The following DPYSL4 variants were observed in gnomAD, a reference collection of about 807,000 sequenced individuals.
DPYSL4 encodes the protein dihydropyrimidinase-related protein 4.
A neutral mutation model predicts 63.4 loss-of-function variants in DPYSL4; 43 were observed. The observed-to-expected ratio is 0.68, with a 90% CI of 0.53 to 0.88. DPYSL4 has a LOEUF of 0.88. DPYSL4 is among the 40% of genes least tolerant of loss of function. The pLI is 0.00. For missense variants in DPYSL4, 733 were observed against 819.5 expected, an observed-to-expected ratio of 0.89 and a Z score of 1.29; for synonymous variants, 353 against 331.7, an observed-to-expected ratio of 1.06 and a Z score of -0.70.
At position 132,200,506 on chromosome 10, in the gene DPYSL4, T is replaced by C. The variant is rs752314283; in HGVS notation, c.962T>C (p.Leu321Pro). The C allele has an allele frequency of 1.2e-6, 2 of 1,612,852 alleles. No homozygotes were observed. Among genetic ancestry groups the C allele is most frequent in the Non-Finnish European group, 1.7e-6 (2 of 1,179,814 alleles). ...PTTADHLTCL[L>P]SSGDLQVTGS... The stretch of plus-strand genomic sequence containing the variant: ...ACGGCGGACCACCTCACCTGCTTGC[T>C]GTCCAGGTAAGCAGCCTCTCCAGGT... Residue 321 changes from leucine to proline, a missense_variant, in exon 9 of 14, where the codon CTG (leucine) becomes CCG (proline). Transcript: ENST00000338492.
In DPYSL4 at chr10:132,204,909, C is replaced by T. The variant is rs1261924369; in HGVS notation, c.1698C>T (p.Ser566=). 1.2e-6 allele frequency: 2 copies of T among 1,612,044 alleles called. No homozygotes were observed. The highest frequency in any genetic ancestry group is 1.7e-6 in the Non-Finnish European group (2 of 1,179,042). Reference sequence around the variant, plus strand: ...TCATGGCACCACCTGGCGGCCGCTCCAACATCACCTCTCTCTCCTAGACGC... The same window carrying T: ...TCATGGCACCACCTGGCGGCCGCTCTAACATCACCTCTCTCTCCTAGACGC... ...QKIMAPPGGR[S]NITSLS The change falls in exon 14 of 14, where the codon TCC becomes TCT. Residue 566 remains serine, a synonymous_variant. Transcript: ENST00000338492.
chr10:132,197,184 G>A (rs2061957355), intron 6 of DPYSL4, 83 bp downstream of exon 6: 3 of 1,244,174 alleles, frequency 2.4e-6, no homozygotes, highest in South Asian at 3.2e-5. Flanking sequence ...GCAGGGGTCT[G>A]AGGGTGACTT....
intron 12 of DPYSL4, 47 bp downstream of exon 12, chr10:132,202,872 C>G: frequency 6.4e-7 from 1 of 1,551,298 alleles, no homozygotes; most frequent in Non-Finnish European, 8.7e-7. Context: ...CAGGTGGGCG[C>G]TGAGTTCTAG....
chr10:132,189,463 C>T (rs1049841926), intron 1 of DPYSL4, among the ~76,000 whole-genome samples: 9 of 152,342 alleles, frequency 5.9e-5, no homozygotes, highest in African/African-American at 1.4e-4. Flanking sequence ...TTATGACTGC[C>T]AAGCACTGGA....
chr10:132,204,228 G>A (rs564093968), intron 13 of DPYSL4, among the ~76,000 whole-genome samples: 1 of 152,192 alleles, frequency 6.6e-6, no homozygotes, highest in Non-Finnish European at 1.5e-5. Flanking sequence ...AGCCTCAGGG[G>A]AGGTGGGAGG....
In DPYSL4 at chr10:132,190,772, G is replaced by T; in HGVS notation, c.65G>T (p.Gly22Val). 6.2e-7 allele frequency: 1 copy of T among 1,613,736 alleles called. No individual in the cohort carries two copies. The highest frequency in any genetic ancestry group is 1.1e-5 in the South Asian group (1 of 91,082). Residue 22 changes from glycine to valine, a missense_variant, in exon 2 of 14, where the codon GGG becomes GTG. By Grantham distance (109) the Gly-to-Val change is moderately radical (BLOSUM62 -3). Transcript: ENST00000338492. Reference protein sequence around the residue: ...ITSDRLLIRGGRIVNDDQSFY... With the variant: ...ITSDRLLIRGVRIVNDDQSFY... Reference sequence around the variant, plus strand: ...AGTGACCGCCTTCTGATCAGAGGTGGGAGGATCGTGAATGACGACCAGTCC... The same window carrying T: ...AGTGACCGCCTTCTGATCAGAGGTGTGAGGATCGTGAATGACGACCAGTCC...
chr10:132,194,413 C>T (rs1384448808), intron 3 of DPYSL4, among the ~76,000 whole-genome samples: 1 of 152,200 alleles, frequency 6.6e-6, no homozygotes, highest in Non-Finnish European at 1.5e-5. Context: ...CAGCCCAGCT[C>T]CCACTGTTCT....
At chr10:132,203,455 G>T in intron 12 of DPYSL4, 1 of 435,882 alleles carries the variant, frequency 2.3e-6, no homozygotes, top group African/African-American at 2.0e-5. Context: ...GGGCCTCGGA[G>T]GGAGGTTGAG....
intron 1 of DPYSL4, among the ~76,000 whole-genome samples, chr10:132,189,120 A>G (rs915945679): frequency 6.6e-5 from 10 of 152,256 alleles, no homozygotes; most frequent in Non-Finnish European, 1.0e-4. Context: ...CTCTAGCCCC[A>G]GGCTAGGGCC....
Position 132,205,270 on chromosome 10 carries a change from T to C in DPYSL4, c.*340T>C, listed in dbSNP as rs928484113. ...GCCGGGCTCACAGTGTGGGAGCAGC[T>C]GGACACCAGGCTTCTTGGTGAACCG... On this transcript the variant is annotated 3_prime_UTR_variant, in exon 14 of 14. Coordinates refer to ENST00000338492, the MANE Select transcript of DPYSL4 (RefSeq NM_006426.3). The C allele has an allele frequency of 4.7e-6, 1 of 211,906 alleles. No individual in the cohort carries two copies. The highest frequency in any genetic ancestry group is 2.3e-5 in the African/African-American group (1 of 43,642). The allele number at this position is 211,906 out of a possible 1,614,324, so 13.1% of individuals were successfully genotyped here.
At chr10:132,203,597 AC>A (rs910847598) in intron 12 of DPYSL4, 164 bp from the exon 13 acceptor site, 37 of 625,516 alleles carry the variant, frequency 5.9e-5, no homozygotes, top group African/African-American at 2.0e-4. Context: ...TGGGTTGAGC[AC>A]CCCCCCAGGG....
chr10:132,201,741 CA>C (rs2062020945), intron 10 of DPYSL4, among the ~76,000 whole-genome samples: 1 of 152,098 alleles, frequency 6.6e-6, no homozygotes, highest in South Asian at 2.1e-4. Context: ...TGTGGGGTCC[CA>C]GCGGTCCAGC....
At chr10:132,200,272 C>A in intron 8 of DPYSL4, 84 bp from the exon 9 acceptor site, 2 of 1,525,568 alleles carry the variant, frequency 1.3e-6, no homozygotes, top group South Asian at 2.4e-5. Context: ...GAGGGGCAGT[C>A]GTGGGTGTCA....
In DPYSL4 at chr10:132,198,365, C is replaced by T. The variant is rs778820214; in HGVS notation, c.622-50C>T. 1.2e-5 allele frequency: 18 copies of T among 1,559,736 alleles called. No individual in the cohort carries two copies. In the East Asian group the frequency reaches 3.5e-4, roughly 30 times the overall value. On this transcript the variant is annotated intron_variant, in intron 6 of 13. Transcript: ENST00000338492. The stretch of plus-strand genomic sequence containing the variant: ...CCAGCCTTGGGCTTAGCATCCAAGG[C>T]CCAGGCTCCCTTCAGGGCTTGGAGC...
intron 1 of DPYSL4, among the ~76,000 whole-genome samples, chr10:132,190,173 C>T (rs1280255533): frequency 1.3e-5 from 2 of 152,264 alleles, no homozygotes; most frequent in African/African-American, 2.4e-5. Flanking sequence ...GATCTGTGCA[C>T]GTGTGTTTTT....
intron 3 of DPYSL4, 28 bp from the exon 4 acceptor site, chr10:132,194,817 G>A (rs1414583166): frequency 6.2e-7 from 1 of 1,604,646 alleles, no homozygotes; most frequent in Non-Finnish European, 8.5e-7. Context: ...ACCAGTGGGG[G>A]AAGCTGCTGA....
intron 1 of DPYSL4, 133 bp from the exon 2 acceptor site, chr10:132,190,614 C>A (rs2061861683): frequency 1.3e-6 from 1 of 786,806 alleles, no homozygotes; most frequent in Non-Finnish European, 2.0e-6. Flanking sequence ...CCGCTGCAGG[C>A]TTTTGTGCTC....
chr10:132,204,224 AG>A (rs1187809411), intron 13 of DPYSL4, among the ~76,000 whole-genome samples: 1 of 152,176 alleles, frequency 6.6e-6, no homozygotes, highest in Non-Finnish European at 1.5e-5. Flanking sequence ...ATCCAGCCTC[AG>A]GGGAGGTGGG....
chr10:132,200,945 A>G lies in DPYSL4; in HGVS notation c.1072A>G (p.Ile358Val), dbSNP rs115891804. Residue 358 changes from isoleucine to valine, a missense_variant, in exon 10 of 14, where the codon ATT becomes GTT. By Grantham distance (29) the Ile-to-Val change is conservative. Transcript: ENST00000338492. ...GCTGATCCCCGAGGGCACCAACGGC[A>G]TTGAGGAGCGCATGTCGATGGTCTG... ...FALIPEGTNG[I>V]EERMSMVWEK... 3.2e-3 allele frequency: 5,137 copies of G among 1,613,324 alleles called. 145 individuals carry two copies. The African/African-American group carries it at 0.059, about 19-fold the overall frequency.
Sources: gnomAD v4.1 joint callset for allele counts (sites outside exome capture counted in the v4.1 genomes callset) on GRCh38, gnomAD v4.1.1 for gene constraint, MANE v1.5 for transcripts, NCBI Gene and HGNC (gene_info 2026-07-23, HGNC 2026-07-21) for gene names.